GMDS: variants seen among roughly 807,000 people sequenced by gnomAD.
GMDS encodes the protein GDP-mannose 4,6-dehydratase, also known as GDP-mannose 4,6 dehydratase.
GMDS carries 20 observed loss-of-function variants against 49.9 expected under a neutral mutation model. The ratio of observed to expected loss-of-function variants is 0.40; its 90% CI spans 0.28 to 0.58. The LOEUF is 0.58. Ranked by LOEUF, GMDS falls within the 20% of genes least tolerant of loss-of-function variation. The pLI, the probability that GMDS is intolerant of heterozygous loss-of-function variation, is 0.42. For missense variants in GMDS, 362 were observed against 481.4 expected, an observed-to-expected ratio of 0.75 and a Z score of 2.32; for synonymous variants, 177 against 178.6, an observed-to-expected ratio of 0.99 and a Z score of 0.07.
intron 1 of GMDS, among the ~76,000 whole-genome samples, chr6:2,160,081 C>T (rs1057197731): frequency 1.3e-5 from 2 of 151,764 alleles, no homozygotes; most frequent in Non-Finnish European, 2.9e-5. Flanking sequence ...CAACTATGAA[C>T]AATTTAAGCC....
intron 7 of GMDS, among the ~76,000 whole-genome samples, chr6:1,747,488 G>GCACACA (rs1561777876): frequency 4.4e-4 from 14 of 31,898 alleles, no homozygotes; most frequent in African/African-American, 8.5e-4. Context: ...ATGCGTGTGC[G>GCACACA]CGCACACACA....
intron 4 of GMDS, among the ~76,000 whole-genome samples, chr6:2,011,337 C>A (rs574836112): frequency 6.6e-6 from 1 of 152,106 alleles, no homozygotes; most frequent in African/African-American, 2.4e-5. Flanking sequence ...GAAACACATA[C>A]GCTGTTGGTG....
chr6:1,767,436 C>A (rs1768402562), intron 7 of GMDS, among the ~76,000 whole-genome samples: 1 of 152,154 alleles, frequency 6.6e-6, no homozygotes, highest in African/African-American at 2.4e-5. Flanking sequence ...ATTACTTCAA[C>A]CTTATGCCCT....
rs1048680666 is a variant in GMDS, at chr6:2,028,415, C to T, written c.346-67449G>A. 3.3e-5 allele frequency among the ~76,000 whole-genome samples: 5 copies of T among 152,160 alleles called. No homozygotes were observed. The East Asian group carries it at 5.8e-4, about 18-fold the overall frequency. On this transcript the variant is annotated intron_variant, in intron 4 of 10. Transcript: ENST00000380815. ...CAATTTGACTGGACTTTCATTTATG[C>T]TTTATAATAGGAAAAAATGACACAT...
intron 7 of GMDS, among the ~76,000 whole-genome samples, chr6:1,806,599 T>C (rs1260185476): frequency 6.6e-6 from 1 of 152,196 alleles, no homozygotes. Context: ...ACCAAAACCG[T>C]CTGTTATTAC....
chr6:1,898,317 G>T (rs1172253882), intron 7 of GMDS, among the ~76,000 whole-genome samples: 1 of 152,158 alleles, frequency 6.6e-6, no homozygotes, highest in East Asian at 1.9e-4. Flanking sequence ...AAAATTATTT[G>T]GCAATTTAAA....
At chr6:1,932,630 C>T (rs548797780) in intron 6 of GMDS, among the ~76,000 whole-genome samples, 29 of 151,498 alleles carry the variant, frequency 1.9e-4, no homozygotes, top group Non-Finnish European at 2.9e-4. Context: ...CTCCGCCTCC[C>T]GGGTTCACGC....
At chr6:1,943,785 C>T (rs1172425600) in intron 6 of GMDS, among the ~76,000 whole-genome samples, 2 of 152,156 alleles carry the variant, frequency 1.3e-5, no homozygotes, top group African/African-American at 2.4e-5. Context: ...TCTTCTCTGC[C>T]TTCATGTTTG....
At chr6:1,821,618 T>G (rs1171582292) in intron 7 of GMDS, among the ~76,000 whole-genome samples, 20 of 40,278 alleles carry the variant, frequency 5.0e-4, no homozygotes, top group African/African-American at 1.3e-3. Flanking sequence ...TTTGTTTTTT[T>G]TTTTTTTTTT....
At position 1,633,781 on chromosome 6, in the gene GMDS, G is replaced by A. The variant is rs552796475; in HGVS notation, c.988-9241C>T. Reference sequence around the variant, plus strand: ...CCACGAGGCTGGGAGGGACACAGAGGCAGGCACTGTTGGCCTCCCGGGTGG... The same window carrying A: ...CCACGAGGCTGGGAGGGACACAGAGACAGGCACTGTTGGCCTCCCGGGTGG... On this transcript the variant is annotated intron_variant, in intron 9 of 10. Coordinates refer to ENST00000380815, the MANE Select transcript of GMDS (RefSeq NM_001500.4). Among the ~76,000 whole-genome samples the A allele has an allele frequency of 4.6e-5, 7 of 152,290 alleles. No homozygotes were observed. In the South Asian group the frequency reaches 1.5e-3, roughly 32 times the overall value.
chr6:1,694,992 T>A (rs1765289743), intron 9 of GMDS, among the ~76,000 whole-genome samples: 1 of 152,194 alleles, frequency 6.6e-6, no homozygotes, highest in Non-Finnish European at 1.5e-5. Context: ...CAAGTAGAAT[T>A]TCTTTGTTTT....
In GMDS at chr6:1,958,677, C is replaced by T. The variant is rs575022710; in HGVS notation, c.643+1190G>A. On this transcript the variant is annotated intron_variant, in intron 6 of 10. Transcript: ENST00000380815. ...TAAACCTGTCGCTTTAATCTTTCTT[C>T]ATGACTTGTTGGTGTAATTAGGCAG... Among the ~76,000 whole-genome samples, 23 of 152,078 alleles carry T rather than the reference C, an allele frequency of 1.5e-4. No individual in the cohort carries two copies. In the East Asian group the frequency reaches 4.1e-3, roughly 27 times the overall value.
chr6:1,715,520 G>T (rs548861716), intron 9 of GMDS, among the ~76,000 whole-genome samples: 1 of 152,320 alleles, frequency 6.6e-6, no homozygotes, highest in East Asian at 1.9e-4. Context: ...TGGGATAAGC[G>T]GTAAGTGCTG....
At chr6:2,192,598 G>A (rs1390341172) in intron 1 of GMDS, among the ~76,000 whole-genome samples, 1 of 152,300 alleles carries the variant, frequency 6.6e-6, no homozygotes, top group East Asian at 1.9e-4. Context: ...CAAGCTTCTG[G>A]GAGCCATTGC....
rs9378680 is a variant in GMDS at position 2,075,003 on chromosome 6, A to G, written c.345+40768T>C. 6.3e-4 allele frequency among the ~76,000 whole-genome samples: 96 copies of G among 152,274 alleles called. 1 individual carries two copies. In the East Asian group the frequency reaches 0.017, roughly 27 times the overall value. ...TCTCTATTCTGTTCCACTGTTCTAT[A>G]TAACTTTTTATAGCTATATGATGAT... On this transcript the variant is annotated intron_variant, in intron 4 of 10. Coordinates refer to ENST00000380815, the MANE Select transcript of GMDS (RefSeq NM_001500.4).
intron 4 of GMDS, among the ~76,000 whole-genome samples, chr6:1,969,952 C>T (rs1454582678): frequency 6.6e-6 from 1 of 152,206 alleles, no homozygotes; most frequent in African/African-American, 2.4e-5. Context: ...AGGAATATTA[C>T]TTGAATAAAT....
At chr6:1,732,189 T>C (rs934991698) in intron 8 of GMDS, among the ~76,000 whole-genome samples, 1 of 152,068 alleles carries the variant, frequency 6.6e-6, no homozygotes, top group Admixed American at 6.6e-5. Context: ...GAGCCAGGCG[T>C]GGTGGCGGGC....
chr6:1,899,108 C>A (rs897018202), intron 7 of GMDS, among the ~76,000 whole-genome samples: 1 of 152,132 alleles, frequency 6.6e-6, no homozygotes, highest in Non-Finnish European at 1.5e-5. Context: ...TCCTGCTTTC[C>A]TCTCTCCCTC....
chr6:1,954,052 C>T (rs576742171), intron 6 of GMDS, among the ~76,000 whole-genome samples: 1 of 152,002 alleles, frequency 6.6e-6, no homozygotes, highest in Non-Finnish European at 1.5e-5. Context: ...GCTGTATTTC[C>T]AGTAGAAAGC....
Sources: gnomAD v4.1 joint callset for allele counts (sites outside exome capture counted in the v4.1 genomes callset) on GRCh38, gnomAD v4.1.1 for gene constraint, MANE v1.5 for transcripts, NCBI Gene and HGNC (gene_info 2026-07-23, HGNC 2026-07-21) for gene names.